SBNO1: variants seen among roughly 807,000 people sequenced by gnomAD.
SBNO1 encodes the protein strawberry notch homolog 1, also known as protein strawberry notch homolog 1.
A neutral mutation model predicts 173.6 loss-of-function variants in SBNO1; 23 were observed. The observed-to-expected ratio is 0.13, with a 90% CI of 0.10 to 0.19. The LOEUF is 0.19. Among genes scored for constraint, SBNO1 ranks in the 10% least tolerant of loss-of-function variants. The pLI is 1.00. For synonymous variants in SBNO1, 632 were observed against 571.5 expected, an observed-to-expected ratio of 1.11 and a Z score of -1.51; for missense variants, 1,238 against 1,671.2, an observed-to-expected ratio of 0.74 and a Z score of 4.52.
intron 30 of SBNO1, among the ~76,000 whole-genome samples, chr12:123,298,677 G>T (rs896509694): frequency 3.3e-5 from 5 of 152,124 alleles, no homozygotes; most frequent in Admixed American, 1.3e-4. Flanking sequence ...TTAAAACCAC[G>T]ATTTTTTCAG....
Position 123,291,221 on chromosome 12 carries a change from A to T in SBNO1, c.*4687T>A, listed in dbSNP as rs1331741260. 1 of 152,178 alleles carries T rather than the reference A, an allele frequency of 6.6e-6. No individual in the cohort carries two copies. The highest frequency in any genetic ancestry group is 2.4e-5 in the African/African-American group (1 of 41,440). 9.4% of individuals were successfully genotyped at this position (152,178 alleles called of 1,614,324 possible). ...CCCGACTTCTTAAATAAACATAGGG[A>T]ATTTGCTGCAGCAGCAGGCCAGAAA... is the stretch of plus-strand genomic sequence containing the variant. On this transcript the variant is annotated 3_prime_UTR_variant, in exon 32 of 32. Coordinates refer to ENST00000602398, the MANE Select transcript of SBNO1 (RefSeq NM_001167856.3).
chr12:123,298,369 TG>T (rs2048673998), intron 30 of SBNO1, among the ~76,000 whole-genome samples, 198 bp from the exon 31 acceptor site: 1 of 152,010 alleles, frequency 6.6e-6, no homozygotes, highest in African/African-American at 2.4e-5. Flanking sequence ...CAGGGTCAAG[TG>T]ATTCTCCTGC....
chr12:123,326,057 A>T, intron 14 of SBNO1, 95 bp downstream of exon 14: 1 of 850,838 alleles, frequency 1.2e-6, no homozygotes, highest in Non-Finnish European at 1.7e-6. Flanking sequence ...ACTATCCTTT[A>T]GGAAAACCAG....
chr12:123,305,525 CA>C (rs2048891852), intron 28 of SBNO1, among the ~76,000 whole-genome samples: 1 of 151,950 alleles, frequency 6.6e-6, no homozygotes, highest in Non-Finnish European at 1.5e-5. Flanking sequence ...CAGCCTGGAG[CA>C]CAAGGGCGCG....
chr12:123,307,020 T>TAAAAAAAAA (rs34105162), intron 28 of SBNO1, among the ~76,000 whole-genome samples: 1 of 64,432 alleles, frequency 1.6e-5, no homozygotes, highest in Non-Finnish European at 2.7e-5. Context: ...TCAACTGCAT[T>TAAAAAAAAA]AAAAAAAAAA....
chr12:123,335,027 A>G (rs1871671341), intron 6 of SBNO1, among the ~76,000 whole-genome samples: 1 of 152,204 alleles, frequency 6.6e-6, no homozygotes, highest in South Asian at 2.1e-4. Context: ...TCATCTCTAC[A>G]ATTAAAATCC....
chr12:123,336,723 A>T (rs767404561), intron 5 of SBNO1, among the ~76,000 whole-genome samples: 1 of 151,814 alleles, frequency 6.6e-6, no homozygotes, highest in Non-Finnish European at 1.5e-5. Flanking sequence ...GGGTCACAAG[A>T]CTCCACGTCC....
At position 123,309,873 on chromosome 12, in the gene SBNO1, T is replaced by A; in HGVS notation, c.3296-17A>T. On this transcript the variant is annotated splice_polypyrimidine_tract_variant and intron_variant, in intron 25 of 31. Coordinates refer to ENST00000602398, the MANE Select transcript of SBNO1 (RefSeq NM_001167856.3). ...TGTTATAATCTGTAATGACAAAAGA[T>A]AAACGTTTTCATGCAAATGATAATT... The A allele has an allele frequency of 6.4e-7, 1 of 1,551,050 alleles. No homozygotes were observed. Among genetic ancestry groups the A allele is most frequent in the Non-Finnish European group, 8.7e-7 (1 of 1,145,796 alleles).
chr12:123,312,429 C>T (rs992201989), intron 24 of SBNO1, among the ~76,000 whole-genome samples: 3 of 152,134 alleles, frequency 2.0e-5, no homozygotes, highest in South Asian at 4.2e-4. Flanking sequence ...ATGCTAACTC[C>T]ATCTGGGTGC....
intron 1 of SBNO1, among the ~76,000 whole-genome samples, chr12:123,363,078 CCT>C (rs1453519154): frequency 6.6e-5 from 10 of 151,822 alleles, no homozygotes; most frequent in Non-Finnish European, 1.2e-4. Context: ...AGAGTGGGAC[CCT>C]GTCTCAAAAA....
At chr12:123,353,022 T>TCCTGGGCTCAGGCAATCCGTCCG in intron 1 of SBNO1, among the ~76,000 whole-genome samples, 2 of 152,150 alleles carry the variant, frequency 1.3e-5, no homozygotes, top group Non-Finnish European at 2.9e-5. Flanking sequence ...GGTCTCAAAC[T>TCCTGGGCTCAGGCAATCCGTCCG]CCTGGGCTCA....
At position 123,305,433 on chromosome 12, in the gene SBNO1, G is replaced by C. The variant is rs549279652; in HGVS notation, c.3631-714C>G. Among the ~76,000 whole-genome samples the C allele has an allele frequency of 4.6e-5, 7 of 152,234 alleles. No homozygotes were observed. The East Asian group carries it at 1.3e-3, about 29-fold the overall frequency. On this transcript the variant is annotated intron_variant, in intron 28 of 31. Transcript: ENST00000602398. ...CATATGGAGGTAAAAATGGAAGAAA[G>C]GGAAGCATTAGAGAAATGTTGGAAT...
chr12:123,351,254 G>T (rs1390711969), intron 1 of SBNO1, among the ~76,000 whole-genome samples: 1 of 152,210 alleles, frequency 6.6e-6, no homozygotes, highest in Non-Finnish European at 1.5e-5. Context: ...TGTACACCAT[G>T]CTGGAGAGTT....
intron 1 of SBNO1, among the ~76,000 whole-genome samples, chr12:123,357,376 G>C (rs961963432): frequency 5.9e-5 from 9 of 151,842 alleles, no homozygotes; most frequent in African/African-American, 2.2e-4. Flanking sequence ...CGGAACCCAG[G>C]GGGTGAAGGT....
intron 13 of SBNO1, 137 bp downstream of exon 13, chr12:123,327,289 A>G (rs1390332344): frequency 2.8e-6 from 2 of 723,352 alleles, no homozygotes; most frequent in African/African-American, 1.8e-5. Flanking sequence ...GAGGCATGAG[A>G]CACCGTGCCT....
chr12:123,320,599 T>C lies in SBNO1; in HGVS notation c.2500A>G (p.Asn834Asp). 1 of 1,610,104 alleles carries C rather than the reference T, an allele frequency of 6.2e-7. No homozygotes were observed. The change falls in exon 19 of 32, where the codon AAC becomes GAC. Residue 834 changes from asparagine to aspartate, a missense_variant. Transcript: ENST00000602398. ...ATAAGGCTACTGTTACTGTTGGTGT[T>C]ACTGTTAGCTAGATAAAGAACATTT... ...PAPNSTPANS[N>D]TNSNSSLITS...
chr12:123,351,017 G>T (rs538052048), intron 1 of SBNO1, among the ~76,000 whole-genome samples: 1 of 152,310 alleles, frequency 6.6e-6, no homozygotes, highest in South Asian at 2.1e-4. Context: ...AGCTTCTCTG[G>T]AGGCTGAGGC....
At chr12:123,314,616 T>G in intron 23 of SBNO1, among the ~76,000 whole-genome samples, 1 of 151,420 alleles carries the variant, frequency 6.6e-6, no homozygotes, top group Non-Finnish European at 1.5e-5. Flanking sequence ...CGTGAGCCAC[T>G]GTGCCCAGCC....
At position 123,311,077 on chromosome 12, in the gene SBNO1, C is replaced by A. The variant is rs773986006; in HGVS notation, c.3273G>T (p.Ser1091=). The A allele has an allele frequency of 8.7e-6, 14 of 1,613,170 alleles. No homozygotes were observed. Among genetic ancestry groups the A allele is most frequent in the Non-Finnish European group, 1.1e-5 (13 of 1,179,236 alleles). ...GVGLINVEDR[S]GILTLDKDYN... ...TACCTTTATCGAGAGTAAGAATTCC[C>A]GAGCGATCTTCTACATTTATCAGGC... Residue 1091 remains serine (S), a synonymous_variant, in exon 25 of 32, where the codon TCG becomes TCT. Coordinates refer to ENST00000602398, the MANE Select transcript of SBNO1 (RefSeq NM_001167856.3).
Sources: allele counts gnomAD v4.1 joint callset (sites outside exome capture counted in the v4.1 genomes callset), GRCh38; gene constraint gnomAD v4.1.1; transcripts MANE v1.5; gene names NCBI Gene and HGNC (gene_info 2026-07-23, HGNC 2026-07-21).